The following ADD1 variants were observed in gnomAD, a reference collection of about 807,000 sequenced individuals.
The protein encoded by ADD1 is adducin 1.
A neutral mutation model predicts 80.5 loss-of-function variants in ADD1; 24 were observed. The observed-to-expected ratio is 0.30, with a 90% CI of 0.22 to 0.42. ADD1 has a LOEUF of 0.42. Among genes scored for constraint, ADD1 ranks in the 10% least tolerant of loss-of-function variants. The pLI is 1.00. For missense variants in ADD1, 948 were observed against 1,019.0 expected, an observed-to-expected ratio of 0.93 and a Z score of 0.95; for synonymous variants, 373 against 393.8, an observed-to-expected ratio of 0.95 and a Z score of 0.63.
chr4:2,904,892 C>T lies in ADD1; in HGVS notation c.1290C>T (p.Cys430=), dbSNP rs2109061867. 6.2e-7 allele frequency: 1 copy of T among 1,614,218 alleles called. No homozygotes were observed. Among genetic ancestry groups the T allele is most frequent in the African/African-American group, 1.3e-5 (1 of 75,058 alleles). ...CTAGTGACGGTGATTCGGGCACTTG[C>T]TCCCCACTCAGACACAGTTTTCAGA... is the stretch of plus-strand genomic sequence containing the variant. ...SFASDGDSGT[C]SPLRHSFQKQ... The change falls in exon 10 of 16, where the codon TGC becomes TGT. Residue 430 remains cysteine (C), a synonymous_variant. Transcript: ENST00000683351.
At chr4:2,869,461 G>A (rs1223408844) in intron 1 of ADD1, among the ~76,000 whole-genome samples, 5 of 152,190 alleles carry the variant, frequency 3.3e-5, no homozygotes, top group East Asian at 1.9e-4. Context: ...GGTCTGCCTT[G>A]TGGACCCCAT....
chr4:2,928,135 G>A, intron 15 of ADD1, 36 bp from the exon 16 acceptor site: 2 of 1,588,464 alleles, frequency 1.3e-6, no homozygotes, highest in Non-Finnish European at 1.7e-6. Context: ...GATCTGGGCA[G>A]GAACCCTTAA....
intron 1 of ADD1, among the ~76,000 whole-genome samples, chr4:2,852,195 T>TTTCTTTC (rs1341444750): frequency 1.7e-4 from 19 of 110,114 alleles, no homozygotes; most frequent in African/African-American, 3.6e-4. Context: ...TCTTTCTTTC[T>TTTCTTTC]TTCCTTTCTT....
intron 10 of ADD1, among the ~76,000 whole-genome samples, chr4:2,906,563 G>T (rs920391600): frequency 3.9e-5 from 6 of 152,134 alleles, no homozygotes; most frequent in Non-Finnish European, 8.8e-5. Context: ...TACATCCAAG[G>T]GGAGGCCTTG....
intron 9 of ADD1, chr4:2,900,834 A>T (rs961819748): frequency 1.3e-4 from 20 of 152,264 alleles, no homozygotes; most frequent in Admixed American, 1.2e-3. Flanking sequence ...TTTTGAGTTC[A>T]TATAATCAGT....
At position 2,907,849 on chromosome 4, in the gene ADD1, G is replaced by A. The variant is rs1241935784; in HGVS notation, c.1608+5G>A. On this transcript the variant is annotated splice_donor_5th_base_variant and intron_variant, in intron 11 of 15. Transcript: ENST00000683351. Reference sequence around the variant, plus strand: ...GTCCAGGAGATGAGGAACAAGGTGCGTCCTGCGTCGGCACTCAGCGGGGGC... The same window carrying A: ...GTCCAGGAGATGAGGAACAAGGTGCATCCTGCGTCGGCACTCAGCGGGGGC... 1.2e-6 allele frequency: 2 copies of A among 1,612,148 alleles called. No individual in the cohort carries two copies. The highest frequency in any genetic ancestry group is 2.2e-5 in the East Asian group (1 of 44,876).
intron 4 of ADD1, among the ~76,000 whole-genome samples, chr4:2,890,133 G>T (rs1332286676): frequency 1.3e-5 from 2 of 151,026 alleles, no homozygotes; most frequent in African/African-American, 2.4e-5. Flanking sequence ...GGTGAAGGTT[G>T]CAGTGAGCTG....
At chr4:2,904,585 G>T in intron 9 of ADD1, 179 bp from the exon 10 acceptor site, 1 of 628,656 alleles carries the variant, frequency 1.6e-6, no homozygotes, top group Non-Finnish European at 2.8e-6. Context: ...CCACATTTTA[G>T]TACCTGGTTT....
intron 6 of ADD1, 79 bp from the exon 7 acceptor site, chr4:2,898,105 T>G: frequency 1.4e-6 from 2 of 1,464,776 alleles, no homozygotes; most frequent in Non-Finnish European, 1.8e-6. Context: ...TTTATTTCTG[T>G]GAGGAAAGCA....
chr4:2,888,400 A>AATTATTATTATT (rs34400467), intron 4 of ADD1, among the ~76,000 whole-genome samples: 50 of 139,958 alleles, frequency 3.6e-4, no homozygotes, highest in Middle Eastern at 4.0e-3. Flanking sequence ...GTAATAATGA[A>AATTATTATTATT]ATTATTATTA....
At chr4:2,893,182 G>A (rs1468932550) in intron 4 of ADD1, among the ~76,000 whole-genome samples, 3 of 151,646 alleles carry the variant, frequency 2.0e-5, no homozygotes, top group Admixed American at 6.6e-5. Flanking sequence ...ACCCATCTTC[G>A]CCTCCCAAAG....
In ADD1 at chr4:2,869,845, G is replaced by A. The variant is rs530714823; in HGVS notation, c.-20-6051G>A. Among the ~76,000 whole-genome samples the A allele has an allele frequency of 2.6e-5, 4 of 152,294 alleles. No individual in the cohort carries two copies. The South Asian group carries it at 8.3e-4, about 32-fold the overall frequency. ...TTGGTCTCCTATTGACAATTCCAAA[G>A]GCTCTCTGGAGTCGGGTGCCAGGTG... On this transcript the variant is annotated intron_variant, in intron 1 of 15. Transcript: ENST00000683351.
chr4:2,895,639 G>C (rs1013734541), intron 6 of ADD1, among the ~76,000 whole-genome samples: 5 of 152,090 alleles, frequency 3.3e-5, no homozygotes, highest in African/African-American at 4.8e-5. Flanking sequence ...AGGCTGTTAC[G>C]AGGCTTAGCT....
At chr4:2,902,616 G>C (rs1462054451) in intron 9 of ADD1, 1 of 152,172 alleles carries the variant, frequency 6.6e-6, no homozygotes, top group African/African-American at 2.4e-5. Flanking sequence ...TGTAATCCCA[G>C]CTACTCGGGA....
Position 2,928,338 on chromosome 4 carries a change from G to C in ADD1, c.2215G>C (p.Ala739Pro), listed in dbSNP as rs774290613. ...PPSPTEAPTE[A>P]SPEPAPDPAP... ...AAGCCCCACTGAGGCCCCTACTGAG[G>C]CCAGCCCCGAGCCAGCCCCAGACCC... The change falls in exon 16 of 16, where the codon GCC (alanine) becomes CCC (proline). Residue 739 changes from alanine (A) to proline (P), a missense_variant. By Grantham distance (27) the Ala-to-Pro change is conservative. Transcript: ENST00000683351. The C allele has an allele frequency of 1.2e-5, 20 of 1,613,678 alleles. No individual in the cohort carries two copies. Among genetic ancestry groups the C allele is most frequent in the Middle Eastern group, 3.3e-4 (2 of 6,080 alleles).
chr4:2,904,975 A>C lies in ADD1; in HGVS notation c.1373A>C (p.Glu458Ala), dbSNP rs1427441757. 1.9e-6 allele frequency: 3 copies of C among 1,614,192 alleles called. No individual in the cohort carries two copies. Residue 458 changes from glutamate (E) to alanine (A), a missense_variant, in exon 10 of 16, where the codon GAG becomes GCG. Transcript: ENST00000683351. The stretch of plus-strand genomic sequence containing the variant: ...TCTGGCCGGGGCGACGAAGCTTCCG[A>C]GGAAGGGCAGAATGGAAGCAGTCCC... ...LNSGRGDEAS[E>A]EGQNGSSPKS...
intron 1 of ADD1, among the ~76,000 whole-genome samples, chr4:2,859,934 T>TC (rs1168261010): frequency 6.6e-6 from 1 of 152,076 alleles, no homozygotes; most frequent in African/African-American, 2.4e-5. Context: ...TTTTTTTTTT[T>TC]TTTCAGGAGA....
At chr4:2,904,662 C>G (rs1038499573) in intron 9 of ADD1, 102 bp from the exon 10 acceptor site, 5 of 1,019,022 alleles carry the variant, frequency 4.9e-6, no homozygotes, top group Non-Finnish European at 7.5e-6. Context: ...ATAGGGTATG[C>G]ATGTGTTCAA....
At chr4:2,869,411 G>A (rs559159103) in intron 1 of ADD1, among the ~76,000 whole-genome samples, 5 of 152,248 alleles carry the variant, frequency 3.3e-5, no homozygotes, top group East Asian at 3.9e-4. Context: ...CTCTTTGTCC[G>A]CATTTTCCGT....
Sources: allele counts gnomAD v4.1 joint callset (sites outside exome capture counted in the v4.1 genomes callset), GRCh38; gene constraint gnomAD v4.1.1; transcripts MANE v1.5; gene names NCBI Gene and HGNC (gene_info 2026-07-23, HGNC 2026-07-21).